ANOS1: variants seen among roughly 807,000 people sequenced by gnomAD.
The protein encoded by ANOS1 is anosmin 1.
In ANOS1, 6 loss-of-function variants were observed where a neutral mutation model predicts 59.0. That is an observed-to-expected ratio of 0.10 (90% CI 0.06 to 0.20). The LOEUF (loss-of-function observed/expected upper bound fraction) is 0.20. Ranked by LOEUF, ANOS1 falls within the 10% of genes least tolerant of loss-of-function variation. ANOS1 has a pLI of 1.00. For missense variants in ANOS1, 433 were observed against 542.3 expected, an observed-to-expected ratio of 0.80 and a Z score of 2.00; for synonymous variants, 217 against 223.4, an observed-to-expected ratio of 0.97 and a Z score of 0.25.
chrX:8,666,620 C>T (rs1411869116), intron 2 of ANOS1, among the ~76,000 whole-genome samples: 1 of 111,558 alleles, frequency 9.0e-6, no homozygotes, highest in African/African-American at 3.3e-5. Flanking sequence ...TTGATATATC[C>T]CCAAAGTCAT....
intron 1 of ANOS1, among the ~76,000 whole-genome samples, chrX:8,720,245 CAT>C (rs968578136): frequency 8.1e-5 from 9 of 111,555 alleles, no homozygotes; most frequent in South Asian, 3.8e-4. Context: ...TGACTCCACA[CAT>C]GTCCCACCAA....
chrX:8,587,192 T>G (rs988792297), intron 5 of ANOS1, among the ~76,000 whole-genome samples: 6 of 110,816 alleles, frequency 5.4e-5, no homozygotes, highest in Admixed American at 9.7e-5. Flanking sequence ...AAGAAAATAT[T>G]TTGCTTTTCT....
intron 2 of ANOS1, among the ~76,000 whole-genome samples, chrX:8,634,911 T>C (rs1931548024): frequency 1.8e-5 from 2 of 111,421 alleles, no homozygotes; most frequent in African/African-American, 6.5e-5. Context: ...ATGATATGTC[T>C]TCCCAAGCAA....
At position 8,634,845 on chromosome X, in the gene ANOS1, A is replaced by G. The variant is rs940509461; in HGVS notation, c.256-11175T>C. 2.7e-5 allele frequency among the ~76,000 whole-genome samples: 3 copies of G among 111,881 alleles called. No individual in the cohort carries two copies. In the Admixed American group the frequency reaches 2.9e-4, roughly 11 times the overall value. On this transcript the variant is annotated intron_variant, in intron 2 of 13. Transcript: ENST00000262648. ...TTTAAGTTCCTATCAATGGGCTTAT[A>G]GGAATAAACAGATTTAAAGACAAAT...
intron 6 of ANOS1, among the ~76,000 whole-genome samples, chrX:8,580,611 C>T (rs1345706880): frequency 9.0e-6 from 1 of 111,585 alleles, no homozygotes; most frequent in African/African-American, 3.3e-5. Context: ...TTGCCAAACA[C>T]GGACTAATTT....
intron 3 of ANOS1, among the ~76,000 whole-genome samples, chrX:8,621,146 A>G (rs1424005288): frequency 9.0e-6 from 1 of 111,038 alleles, no homozygotes; most frequent in Non-Finnish European, 1.9e-5. Flanking sequence ...CAGGCGGATC[A>G]CTTGAGGCCA....
chrX:8,563,745 C>G (rs906874859), intron 8 of ANOS1, among the ~76,000 whole-genome samples: 3 of 111,902 alleles, frequency 2.7e-5, no homozygotes, highest in African/African-American at 9.7e-5. Context: ...TTACTATGTT[C>G]CTGGAAAATT....
intron 2 of ANOS1, among the ~76,000 whole-genome samples, chrX:8,664,543 C>T (rs1160839463): frequency 9.1e-6 from 1 of 109,886 alleles, no homozygotes; most frequent in African/African-American, 3.3e-5. Flanking sequence ...AACAGCAATA[C>T]AGAAATTCCA....
chrX:8,652,306 T>C (rs1329902528), intron 2 of ANOS1, among the ~76,000 whole-genome samples: 3 of 111,406 alleles, frequency 2.7e-5, no homozygotes, highest in Non-Finnish European at 5.6e-5. Flanking sequence ...TAGGAATGAT[T>C]CAACATGATA....
chrX:8,554,105 C>T lies in ANOS1; in HGVS notation c.1208-7G>A. On this transcript the variant is annotated splice_polypyrimidine_tract_variant and splice_region_variant and intron_variant, in intron 8 of 13. Coordinates refer to ENST00000262648, the MANE Select transcript of ANOS1 (RefSeq NM_000216.4). ...GTTTTCACAAGCTGTTCTTCTACAA[C>T]AAAGTACAACATTCTAAGTTACTTG... The T allele has an allele frequency of 1.7e-6, 2 of 1,186,885 alleles. No homozygotes were observed. The highest frequency in any genetic ancestry group is 3.0e-5 in the East Asian group (1 of 33,722).
chrX:8,715,196 T>C (rs1932834957), intron 1 of ANOS1, among the ~76,000 whole-genome samples: 1 of 112,307 alleles, frequency 8.9e-6, no homozygotes, highest in South Asian at 3.6e-4. Context: ...TTACACAATA[T>C]TTATCCAGGA....
intron 1 of ANOS1, among the ~76,000 whole-genome samples, chrX:8,722,479 T>A (rs2146912172): frequency 9.0e-6 from 1 of 111,560 alleles, no homozygotes; most frequent in South Asian, 3.8e-4. Flanking sequence ...CCTGAGTTAC[T>A]TCACTTACAA....
chrX:8,692,401 A>G (rs957308949), intron 2 of ANOS1, among the ~76,000 whole-genome samples: 3 of 110,998 alleles, frequency 2.7e-5, no homozygotes, highest in Non-Finnish European at 3.8e-5. Flanking sequence ...GTCATTTGCT[A>G]ACCCTTATCC....
chrX:8,731,986 C>A lies in ANOS1; in HGVS notation c.51G>T (p.Ala17=), dbSNP rs776147999. The change falls in exon 1 of 14, where the codon GCG becomes GCT. Residue 17 remains alanine, a synonymous_variant. Transcript: ENST00000262648. ...CGGCCGCCAGGCAGCCGCTGGAGGC[C>A]GCCAGCCAGAGGCAGAGGGTCAGGA... ...GAVLTLCLWL[A]ASSGCLAAGP... is the part of the protein sequence containing the mutation. 1.8e-5 allele frequency: 20 copies of A among 1,099,971 alleles called. No homozygotes were observed. In the East Asian group the frequency reaches 7.0e-4, roughly 39 times the overall value. The allele number at this position is 1,099,971 out of a possible 1,213,427, so 90.6% of individuals were successfully genotyped here. A position where few individuals can be genotyped will look rare whatever the true frequency, so the allele number is the denominator to read the frequency against.
chrX:8,634,020 T>C (rs1931532789), intron 2 of ANOS1, among the ~76,000 whole-genome samples: 1 of 111,975 alleles, frequency 8.9e-6, no homozygotes, highest in Non-Finnish European at 1.9e-5. Flanking sequence ...GATTAGATGT[T>C]GGCGTTACAT....
chrX:8,667,348 A>G lies in ANOS1; in HGVS notation c.255+32350T>C, dbSNP rs984553993. 4.5e-5 allele frequency among the ~76,000 whole-genome samples: 5 copies of G among 110,268 alleles called. No homozygotes were observed. The South Asian group carries it at 1.6e-3, about 35-fold the overall frequency. Reference sequence around the variant, plus strand: ...GTGGGGAGTTGGTTGTTTTCTTGAGACAGAGCCTTGCTATGTTGGCCAGCA... The same window carrying G: ...GTGGGGAGTTGGTTGTTTTCTTGAGGCAGAGCCTTGCTATGTTGGCCAGCA... On this transcript the variant is annotated intron_variant, in intron 2 of 13. Transcript: ENST00000262648.
At chrX:8,582,572 C>A (rs1930445167) in intron 6 of ANOS1, among the ~76,000 whole-genome samples, 1 of 111,432 alleles carries the variant, frequency 9.0e-6, no homozygotes, top group Non-Finnish European at 1.9e-5. Context: ...GCTGCTGGGA[C>A]ACTTTGAGCA....
intron 1 of ANOS1, among the ~76,000 whole-genome samples, chrX:8,704,882 G>A (rs182595697): frequency 3.7e-4 from 41 of 111,303 alleles, no homozygotes; most frequent in Non-Finnish European, 4.3e-4. Flanking sequence ...AGCTCACAAC[G>A]GATAATACTC....
chrX:8,625,200 GT>G (rs1206807993), intron 2 of ANOS1, among the ~76,000 whole-genome samples: 1 of 110,748 alleles, frequency 9.0e-6, no homozygotes, highest in African/African-American at 3.3e-5. Context: ...AGGCCTCATG[GT>G]TGAAAAAAAA....
Sources: gnomAD v4.1 joint callset for allele counts (sites outside exome capture counted in the v4.1 genomes callset) on GRCh38, gnomAD v4.1.1 for gene constraint, MANE v1.5 for transcripts, NCBI Gene and HGNC (gene_info 2026-07-23, HGNC 2026-07-21) for gene names.